The following VWA3B variants were observed in gnomAD, a reference collection of about 807,000 sequenced individuals.
VWA3B encodes von Willebrand factor A domain-containing protein 3B.
In VWA3B, 138 loss-of-function variants were observed where a neutral mutation model predicts 158.3. The ratio of observed to expected loss-of-function variants is 0.87; its 90% CI spans 0.76 to 1.00. The LOEUF (loss-of-function observed/expected upper bound fraction) is 1.00, where lower values mean the gene tolerates loss of function less well. VWA3B is among the 50% of genes least tolerant of loss of function. The probability of loss-of-function intolerance (pLI) is 0.00; values close to 1 mark genes in which losing one functional copy is unlikely to be tolerated. For missense variants in VWA3B, 1,555 were observed against 1,565.1 expected, an observed-to-expected ratio of 0.99 and a Z score of 0.11; for synonymous variants, 596 against 587.3, an observed-to-expected ratio of 1.01 and a Z score of -0.21.
In VWA3B at chr2:98,133,830, C is replaced by T. The variant is rs542115544; in HGVS notation, c.879C>T (p.His293=). ...GCATCTCTTCACGTTTCAGATTCCA[C>T]GCATTTGCCGAGAGAACAGAGTGTG... ...DLSAKTHSRF[H]AFAERTECVE... is the part of the protein sequence containing the mutation. Residue 293 remains histidine (H), a synonymous_variant, in exon 7 of 28, where the codon CAC becomes CAT. Transcript: ENST00000477737. 1.0e-4 allele frequency: 168 copies of T among 1,613,968 alleles called. No individual in the cohort carries two copies. In the South Asian group the frequency reaches 1.6e-3, roughly 16 times the overall value.
Position 98,311,939 on chromosome 2 carries a change from GC to G in VWA3B, c.3644del (p.Pro1215HisfsTer43). 1 of 1,608,284 alleles carries G rather than the reference GC, an allele frequency of 6.2e-7. No homozygotes were observed. Among genetic ancestry groups the G allele is most frequent in the Non-Finnish European group, 8.5e-7 (1 of 1,177,352 alleles). ...PRRKKRPAKQ[P>X]LQQAAPSDSD... ...GGAGGAAAAAGAGGCCCGCCAAGCA[GC>G]CACTCCAGCAGGCGGCGCCCTCGGA... On this transcript the variant is annotated frameshift_variant, in exon 27 of 28. Transcript: ENST00000477737. LOFTEE classifies it high-confidence loss of function.
chr2:98,296,037 A>T (rs1470249545), intron 23 of VWA3B, among the ~76,000 whole-genome samples: 2 of 152,278 alleles, frequency 1.3e-5, no homozygotes, highest in African/African-American at 4.8e-5. Context: ...AGAAGTCATC[A>T]TAACAGTCCA....
rs572309926 is a variant in VWA3B, at chr2:98,262,875, G to T, written c.2843+6701G>T. Among the ~76,000 whole-genome samples, 3 of 152,004 alleles carry T rather than the reference G, an allele frequency of 2.0e-5. No individual in the cohort carries two copies. In the East Asian group the frequency reaches 5.8e-4, roughly 29 times the overall value. On this transcript the variant is annotated intron_variant, in intron 21 of 27. Transcript: ENST00000477737. Reference sequence around the variant, plus strand: ...ATAGAATTGTACATCACTTTAGGTAGTATGGACATTTTAACAATTAAGTCT... The same window carrying T: ...ATAGAATTGTACATCACTTTAGGTATTATGGACATTTTAACAATTAAGTCT...
chr2:98,266,280 C>T (rs1208382906), intron 21 of VWA3B, among the ~76,000 whole-genome samples: 1 of 152,016 alleles, frequency 6.6e-6, no homozygotes, highest in African/African-American at 2.4e-5. Flanking sequence ...CCAGTTTTCC[C>T]AGCACCATTT....
intron 8 of VWA3B, among the ~76,000 whole-genome samples, chr2:98,169,964 T>A (rs74545408): frequency 4.0e-5 from 6 of 151,696 alleles, no homozygotes; most frequent in Middle Eastern, 3.4e-3. Context: ...ACAAAAAAAA[T>A]GTGAAAATTA....
At chr2:98,310,815 G>A (rs1000068827) in intron 26 of VWA3B, among the ~76,000 whole-genome samples, 2 of 152,106 alleles carry the variant, frequency 1.3e-5, no homozygotes, top group African/African-American at 4.8e-5. Context: ...CACTGCTGTC[G>A]CCCAGGCCAA....
At chr2:98,183,702 G>C (rs890271420) in intron 9 of VWA3B, among the ~76,000 whole-genome samples, 6 of 152,188 alleles carry the variant, frequency 3.9e-5, no homozygotes, top group Admixed American at 3.9e-4. Context: ...ACCAGTTCAT[G>C]TGATATGGCG....
chr2:98,115,539 T>C, intron 2 of VWA3B, 113 bp from the exon 3 acceptor site: 1 of 762,022 alleles, frequency 1.3e-6, no homozygotes, highest in Non-Finnish European at 2.2e-6. Context: ...TCACAAATTA[T>C]TGATGGCACA....
chr2:98,261,514 T>C (rs1416225641), intron 21 of VWA3B, among the ~76,000 whole-genome samples: 1 of 151,820 alleles, frequency 6.6e-6, no homozygotes, highest in East Asian at 1.9e-4. Context: ...TTTCTTCATA[T>C]GGCTTAGAAT....
At chr2:98,143,070 C>T (rs1278898125) in intron 7 of VWA3B, among the ~76,000 whole-genome samples, 1 of 152,146 alleles carries the variant, frequency 6.6e-6, no homozygotes, top group African/African-American at 2.4e-5. Flanking sequence ...GAGAGGGAGT[C>T]TCTCTGTCAC....
chr2:98,122,537 G>A (rs548635418), intron 5 of VWA3B, among the ~76,000 whole-genome samples: 2 of 152,336 alleles, frequency 1.3e-5, no homozygotes, highest in South Asian at 2.1e-4. Context: ...AAGCTAGTTT[G>A]TTCCTTGGTC....
intron 2 of VWA3B, among the ~76,000 whole-genome samples, chr2:98,100,619 G>A (rs759527502): frequency 2.0e-5 from 3 of 152,200 alleles, no homozygotes; most frequent in Non-Finnish European, 2.9e-5. Context: ...TTGGCACCAG[G>A]ATAGATCTAG....
At chr2:98,144,313 AT>A (rs1267475125) in intron 7 of VWA3B, among the ~76,000 whole-genome samples, 1 of 152,018 alleles carries the variant, frequency 6.6e-6, no homozygotes, top group African/African-American at 2.4e-5. Flanking sequence ...TGTTAATGTT[AT>A]TATCACTAGG....
chr2:98,239,963 T>C (rs1173830872), intron 19 of VWA3B, among the ~76,000 whole-genome samples: 3 of 151,326 alleles, frequency 2.0e-5, no homozygotes, highest in Non-Finnish European at 4.4e-5. Flanking sequence ...AATGACAAAA[T>C]GATGTAAATG....
At chr2:98,109,807 T>A (rs892976033) in intron 2 of VWA3B, among the ~76,000 whole-genome samples, 1 of 151,604 alleles carries the variant, frequency 6.6e-6, no homozygotes, top group Non-Finnish European at 1.5e-5. Context: ...TTTTTTTTTT[T>A]AGCACTTAAA....
intron 21 of VWA3B, chr2:98,269,591 C>A (rs1688074173): frequency 6.6e-6 from 1 of 152,160 alleles, no homozygotes; most frequent in African/African-American, 2.4e-5. Context: ...GATTGGGGAG[C>A]TTTCTTCCAA....
At chr2:98,230,404 C>T (rs2105700084) in intron 16 of VWA3B, among the ~76,000 whole-genome samples, 197 bp downstream of exon 16, 1 of 152,270 alleles carries the variant, frequency 6.6e-6, no homozygotes, top group African/African-American at 2.4e-5. Context: ...CCAATGGTAA[C>T]ATCTTGCAAA....
chr2:98,214,515 G>A (rs1157349290), intron 13 of VWA3B, among the ~76,000 whole-genome samples: 1 of 152,114 alleles, frequency 6.6e-6, no homozygotes, highest in Non-Finnish European at 1.5e-5. Flanking sequence ...CAGCTAGGAG[G>A]CAACTGATGG....
intron 19 of VWA3B, among the ~76,000 whole-genome samples, chr2:98,247,996 AC>A (rs1451465056): frequency 6.6e-6 from 1 of 152,062 alleles, no homozygotes; most frequent in African/African-American, 2.4e-5. Flanking sequence ...ACTATCTATC[AC>A]CCAGTTCACC....
Sources: allele counts gnomAD v4.1 joint callset (sites outside exome capture counted in the v4.1 genomes callset), GRCh38; gene constraint gnomAD v4.1.1; transcripts MANE v1.5; gene names NCBI Gene and HGNC (gene_info 2026-07-23, HGNC 2026-07-21).